Variants in SNTB2 observed in about 807,000 individuals in gnomAD.
SNTB2 encodes the protein syntrophin beta 2.
A neutral mutation model predicts 46.2 loss-of-function variants in SNTB2; 34 were observed. The observed-to-expected ratio is 0.74, with a 90% CI of 0.56 to 0.98. The LOEUF (loss-of-function observed/expected upper bound fraction) is 0.98, where lower values mean the gene tolerates loss of function less well. Among genes scored for constraint, SNTB2 ranks in the 50% least tolerant of loss-of-function variants. The pLI is 0.00. For missense variants in SNTB2, 603 were observed against 731.4 expected, an observed-to-expected ratio of 0.82 and a Z score of 2.02; for synonymous variants, 290 against 312.6, an observed-to-expected ratio of 0.93 and a Z score of 0.76.
At chr16:69,247,036 C>A (rs1360962075) in intron 2 of SNTB2, among the ~76,000 whole-genome samples, 2 of 143,550 alleles carry the variant, frequency 1.4e-5, no homozygotes, top group African/African-American at 5.2e-5. Flanking sequence ...TACCCTAAAA[C>A]TTAAAGTATA....
chr16:69,207,462 T>A (rs1472799608), intron 1 of SNTB2, among the ~76,000 whole-genome samples: 1 of 152,176 alleles, frequency 6.6e-6, no homozygotes. Context: ...CTGGTCAAAG[T>A]ATAGATTTTT....
At chr16:69,209,348 T>C (rs1964256147) in intron 1 of SNTB2, among the ~76,000 whole-genome samples, 1 of 152,222 alleles carries the variant, frequency 6.6e-6, no homozygotes, top group Non-Finnish European at 1.5e-5. Context: ...CATTGCTGTA[T>C]TGCTGCTTCT....
At chr16:69,233,015 G>A (rs1964522950) in intron 1 of SNTB2, among the ~76,000 whole-genome samples, 1 of 152,140 alleles carries the variant, frequency 6.6e-6, no homozygotes, top group South Asian at 2.1e-4. Flanking sequence ...CAGAGCTTAG[G>A]TTGGAACAGA....
At chr16:69,247,722 T>G (rs941705886) in intron 2 of SNTB2, among the ~76,000 whole-genome samples, 1 of 152,156 alleles carries the variant, frequency 6.6e-6, no homozygotes, top group Non-Finnish European at 1.5e-5. Flanking sequence ...AAAAAAGGGA[T>G]AATGGTACTT....
At chr16:69,224,622 G>T (rs1409349589) in intron 1 of SNTB2, among the ~76,000 whole-genome samples, 3 of 152,146 alleles carry the variant, frequency 2.0e-5, no homozygotes, top group African/African-American at 7.2e-5. Context: ...CTGCAACAAT[G>T]ATTACTATAG....
At chr16:69,224,210 ATT>A (rs34419738) in intron 1 of SNTB2, among the ~76,000 whole-genome samples, 3 of 127,740 alleles carry the variant, frequency 2.3e-5, no homozygotes, top group Admixed American at 9.2e-5. Flanking sequence ...TTCCTTTGCA[ATT>A]TTTTTTTTTT....
chr16:69,261,053 A>G (rs1474616306), intron 3 of SNTB2, among the ~76,000 whole-genome samples: 4 of 151,844 alleles, frequency 2.6e-5, no homozygotes, highest in Admixed American at 2.6e-4. Flanking sequence ...GAGGGGCTTG[A>G]AAAAAAAGGA....
intron 2 of SNTB2, among the ~76,000 whole-genome samples, chr16:69,248,205 A>G (rs962514823): frequency 2.0e-5 from 3 of 152,212 alleles, no homozygotes; most frequent in African/African-American, 7.2e-5. Flanking sequence ...GCTTTGTTTT[A>G]AAAGTTCAAG....
intron 1 of SNTB2, among the ~76,000 whole-genome samples, chr16:69,216,899 C>CA (rs988333329): frequency 6.6e-6 from 1 of 152,190 alleles, no homozygotes; most frequent in African/African-American, 2.4e-5. Flanking sequence ...GTCATTGCTG[C>CA]AAAGCCCATG....
At chr16:69,257,631 G>C (rs924632888) in intron 2 of SNTB2, among the ~76,000 whole-genome samples, 6 of 152,014 alleles carry the variant, frequency 3.9e-5, no homozygotes, top group Non-Finnish European at 1.5e-5. Context: ...GTTTTTAATA[G>C]AGACGGGGTT....
chr16:69,300,256 T>G (rs1041703753), intron 6 of SNTB2, among the ~76,000 whole-genome samples: 2 of 152,064 alleles, frequency 1.3e-5, no homozygotes, highest in Non-Finnish European at 2.9e-5. Context: ...TTTTTCTTTT[T>G]TTTTTCTTTT....
At position 69,307,953 on chromosome 16, in the gene SNTB2, A is replaced by T. The variant is rs1965328170; in HGVS notation, c.*7029A>T. ...TTTCACACAATAACAGTCCCTTTCT[A>T]TCCAGCTTGCCTTCCATTTATCTCT... On this transcript the variant is annotated 3_prime_UTR_variant, in exon 7 of 7. Coordinates refer to ENST00000336278, the MANE Select transcript of SNTB2 (RefSeq NM_006750.4). The T allele has an allele frequency of 6.6e-6, 1 of 152,218 alleles. No individual in the cohort carries two copies. The highest frequency in any genetic ancestry group is 1.5e-5 in the Non-Finnish European group (1 of 68,032). 9.4% of individuals were successfully genotyped at this position (152,218 alleles called of 1,614,324 possible). A position where few individuals can be genotyped will look rare whatever the true frequency, so the allele number is the denominator to read the frequency against.
intron 5 of SNTB2, among the ~76,000 whole-genome samples, chr16:69,296,858 A>AT (rs1323055927): frequency 6.6e-6 from 1 of 151,702 alleles, no homozygotes; most frequent in Non-Finnish European, 1.5e-5. Flanking sequence ...AACTACAAGA[A>AT]TTACCTGAGT....
chr16:69,220,549 A>G (rs993315112), intron 1 of SNTB2, among the ~76,000 whole-genome samples: 22 of 149,884 alleles, frequency 1.5e-4, no homozygotes, highest in African/African-American at 5.1e-4. Flanking sequence ...TTTTTTTGAG[A>G]CAGGGTCTTA....
At position 69,304,112 on chromosome 16, in the gene SNTB2, T is replaced by G. The variant is rs1965297717; in HGVS notation, c.*3188T>G. ...CTAAAACTTCTCTCCTTTCTCTCCATAAAAAGAAAAGGAAAGGAACAAAAG... is the reference window on the plus strand; with the variant it reads ...CTAAAACTTCTCTCCTTTCTCTCCAGAAAAAGAAAAGGAAAGGAACAAAAG... On this transcript the variant is annotated 3_prime_UTR_variant, in exon 7 of 7. Transcript: ENST00000336278. 6.6e-6 allele frequency: 1 copy of G among 152,110 alleles called. No individual in the cohort carries two copies. The highest frequency in any genetic ancestry group is 2.1e-4 in the South Asian group (1 of 4,836). 9.4% of individuals were successfully genotyped at this position (152,110 alleles called of 1,614,324 possible).
At chr16:69,281,735 C>G (rs1431783024) in intron 4 of SNTB2, among the ~76,000 whole-genome samples, 3 of 150,388 alleles carry the variant, frequency 2.0e-5, no homozygotes, top group Non-Finnish European at 4.5e-5. Flanking sequence ...CCCAGCTATT[C>G]GGGAGACTAA....
At chr16:69,238,756 A>G (rs1378716963) in intron 1 of SNTB2, among the ~76,000 whole-genome samples, 1 of 152,138 alleles carries the variant, frequency 6.6e-6, no homozygotes, top group African/African-American at 2.4e-5. Flanking sequence ...AATCTGATGT[A>G]GAATCTGACC....
At chr16:69,209,085 C>A (rs540540598) in intron 1 of SNTB2, among the ~76,000 whole-genome samples, 154 of 152,102 alleles carry the variant, frequency 1.0e-3, no homozygotes, top group Non-Finnish European at 1.2e-3. Context: ...TCAGGCCATT[C>A]TCCTGCCTCC....
intron 1 of SNTB2, among the ~76,000 whole-genome samples, chr16:69,213,897 A>G (rs1380425325): frequency 1.6e-5 from 2 of 123,992 alleles, no homozygotes; most frequent in African/African-American, 6.5e-5. Context: ...ATCTCGACTC[A>G]CTGCAACCTC....
Sources: gnomAD v4.1 joint callset for allele counts (sites outside exome capture counted in the v4.1 genomes callset) on GRCh38, gnomAD v4.1.1 for gene constraint, MANE v1.5 for transcripts, NCBI Gene and HGNC (gene_info 2026-07-23, HGNC 2026-07-21) for gene names.